The following SLC7A7 variants were observed in gnomAD, a reference collection of about 807,000 sequenced individuals.
SLC7A7 encodes the protein Y+L amino acid transporter 1.
SLC7A7 carries 39 observed loss-of-function variants against 47.9 expected under a neutral mutation model. The observed-to-expected ratio is 0.81, with a 90% CI of 0.63 to 1.06. SLC7A7 has a LOEUF of 1.06. Among genes scored for constraint, SLC7A7 ranks in the 50% least tolerant of loss-of-function variants. The pLI is 0.00. For synonymous variants in SLC7A7, 234 were observed against 242.8 expected, an observed-to-expected ratio of 0.96 and a Z score of 0.34; for missense variants, 588 against 632.0, an observed-to-expected ratio of 0.93 and a Z score of 0.75.
At chr14:22,781,854 T>C (rs186042171) in intron 2 of SLC7A7, among the ~76,000 whole-genome samples, 289 of 152,078 alleles carry the variant, frequency 1.9e-3, no homozygotes, top group African/African-American at 6.7e-3. Flanking sequence ...GTCAGGAAAA[T>C]GGGATCCCCA....
intron 2 of SLC7A7, among the ~76,000 whole-genome samples, chr14:22,780,873 A>G (rs777895584): frequency 2.6e-5 from 4 of 152,238 alleles, no homozygotes; most frequent in African/African-American, 4.8e-5. Flanking sequence ...AGCTTTTATC[A>G]GAATCTCAAG....
chr14:22,814,877 C>T (rs2039381874), intron 1 of SLC7A7: 1 of 176,242 alleles, frequency 5.7e-6, no homozygotes, highest in Admixed American at 5.4e-5. Context: ...AGTAGACCCA[C>T]TTCACCCTGA....
chr14:22,784,272 G>C (rs1410543199), intron 2 of SLC7A7, among the ~76,000 whole-genome samples: 1 of 152,162 alleles, frequency 6.6e-6, no homozygotes, highest in Non-Finnish European at 1.5e-5. Context: ...CCCTTGACTC[G>C]GTGCAGCAGC....
At chr14:22,804,761 G>A (rs1249949822) in intron 2 of SLC7A7, among the ~76,000 whole-genome samples, 2 of 152,178 alleles carry the variant, frequency 1.3e-5, no homozygotes, top group Non-Finnish European at 2.9e-5. Flanking sequence ...GGGAGGCTGA[G>A]GCAGGTGGAT....
chr14:22,818,735 AG>A (rs930672009), upstream of SLC7A7, among the ~76,000 whole-genome samples: 14 of 151,922 alleles, frequency 9.2e-5, no homozygotes, highest in African/African-American at 3.4e-4. Context: ...CTGGGATTAC[AG>A]GTGCCCGCCA....
At chr14:22,797,096 C>G in intron 2 of SLC7A7, among the ~76,000 whole-genome samples, 1 of 152,280 alleles carries the variant, frequency 6.6e-6, no homozygotes, top group South Asian at 2.1e-4. Flanking sequence ...GTTTTATTAT[C>G]TTTATTTTAC....
At chr14:22,813,789 A>ATT (rs34654418) in intron 1 of SLC7A7, among the ~76,000 whole-genome samples, 39,637 of 96,000 alleles carry the variant, frequency 0.41, 10,238 homozygotes, top group Non-Finnish European at 0.5. Context: ...CGCGTGGCTA[A>ATT]TTTTTTTTTT....
chr14:22,795,385 G>T (rs112548797), intron 2 of SLC7A7, among the ~76,000 whole-genome samples: 1,085 of 14,324 alleles, frequency 0.076, 17 homozygotes, highest in African/African-American at 0.22. Flanking sequence ...TTGCTTGCTT[G>T]CTTTCTTTCT....
At chr14:22,792,001 A>AT (rs1184279281) in intron 2 of SLC7A7, among the ~76,000 whole-genome samples, 2 of 151,772 alleles carry the variant, frequency 1.3e-5, no homozygotes, top group African/African-American at 2.4e-5. Flanking sequence ...CGTCCGGCTA[A>AT]TTTTTTTGTA....
chr14:22,815,947 G>A (rs2039401919), upstream of SLC7A7: 13 of 330,530 alleles, frequency 3.9e-5, no homozygotes, highest in South Asian at 3.2e-4. Flanking sequence ...GGTGTTCTAA[G>A]AGAACTCTGC....
At chr14:22,779,900 T>C (rs776767604) in intron 3 of SLC7A7, 26 bp downstream of exon 3, 1 of 1,611,888 alleles carries the variant, frequency 6.2e-7, no homozygotes, top group Non-Finnish European at 8.5e-7. Flanking sequence ...TAAAAAAGAT[T>C]AGTTGCTACT....
intron 2 of SLC7A7, among the ~76,000 whole-genome samples, chr14:22,802,768 CCT>C (rs2039137916): frequency 1.3e-5 from 2 of 152,108 alleles, no homozygotes; most frequent in Non-Finnish European, 2.9e-5. Flanking sequence ...ATATCACTCC[CCT>C]GTTTAAAGTC....
chr14:22,787,850 G>A (rs1325812243), intron 2 of SLC7A7, among the ~76,000 whole-genome samples: 1 of 151,968 alleles, frequency 6.6e-6, no homozygotes, highest in African/African-American at 2.4e-5. Context: ...GAGGCAGGCA[G>A]ATCACAAGGT....
At chr14:22,794,090 C>T (rs187970018) in intron 2 of SLC7A7, among the ~76,000 whole-genome samples, 120 of 152,328 alleles carry the variant, frequency 7.9e-4, no homozygotes, top group African/African-American at 2.8e-3. Context: ...CCCTGACCCA[C>T]CAAGTTATCC....
chr14:22,795,083 T>C (rs1342286499), intron 2 of SLC7A7, among the ~76,000 whole-genome samples: 7 of 143,334 alleles, frequency 4.9e-5, no homozygotes, highest in Admixed American at 2.1e-4. Context: ...TTTCTTTTTT[T>C]TTTTTTTTTT....
At chr14:22,777,163 AAAAGC>A (rs2038627882) in intron 4 of SLC7A7, among the ~76,000 whole-genome samples, 1 of 151,272 alleles carries the variant, frequency 6.6e-6, no homozygotes, top group Non-Finnish European at 1.5e-5. Context: ...AAAAAAAAAA[AAAAGC>A]AGGGCGGGGG....
At position 22,813,009 on chromosome 14, in the gene SLC7A7, G is replaced by C. The variant is rs1473768240; in HGVS notation, c.390C>G (p.Thr130=). 20 of 1,614,070 alleles carry C rather than the reference G, an allele frequency of 1.2e-5. No homozygotes were observed. Among genetic ancestry groups the C allele is most frequent in the Non-Finnish European group, 1.4e-5 (17 of 1,180,018 alleles). ...AGGTGATGGCAATGATGGCCTGGCT[G>C]GTGGGCTCAATGATGAGCAGGGAGG... ...LWTSLLIIEP[T]SQAIIAITFA... The change falls in exon 2 of 10, where the codon ACC becomes ACG. Residue 130 remains threonine, a synonymous_variant. Transcript: ENST00000674313.
At position 22,774,030 on chromosome 14, in the gene SLC7A7, G is replaced by A; in HGVS notation, c.1332C>T (p.Leu444=). Reference sequence around the variant, plus strand: ...CTGAGAGGGCAATGGCAATGCCGATGAGGGAGTTGATAGTATCACTGTAAA... The same window carrying A: ...CTGAGAGGGCAATGGCAATGCCGATAAGGGAGTTGATAGTATCACTGTAAA... The part of the protein sequence containing the change: ...VPLYSDTINS[L]IGIAIALSGL... Residue 444 remains leucine, a synonymous_variant, in exon 9 of 10, where the codon CTC becomes CTT. Transcript: ENST00000674313. The A allele has an allele frequency of 6.2e-7, 1 of 1,614,236 alleles. No individual in the cohort carries two copies. The highest frequency in any genetic ancestry group is 1.7e-5 in the Admixed American group (1 of 60,028).
chr14:22,794,986 T>C (rs1196415593), intron 2 of SLC7A7, among the ~76,000 whole-genome samples: 2 of 152,154 alleles, frequency 1.3e-5, no homozygotes, highest in Non-Finnish European at 2.9e-5. Context: ...ATTCTCGTTC[T>C]CCAAGCCAAT....
Sources: gnomAD v4.1 joint callset for allele counts (sites outside exome capture counted in the v4.1 genomes callset) on GRCh38, gnomAD v4.1.1 for gene constraint, MANE v1.5 for transcripts, NCBI Gene and HGNC (gene_info 2026-07-23, HGNC 2026-07-21) for gene names.